The following CCDC77 variants were observed in gnomAD, a reference collection of about 807,000 sequenced individuals.
The protein encoded by CCDC77 is coiled-coil domain containing 77.
In CCDC77, 56 loss-of-function variants were observed where a neutral mutation model predicts 66.8. The ratio of observed to expected loss-of-function variants is 0.84; its 90% CI spans 0.68 to 1.05. CCDC77 has a LOEUF of 1.05. Among genes scored for constraint, CCDC77 ranks in the 50% least tolerant of loss-of-function variants. The pLI is 0.00. For synonymous variants in CCDC77, 196 were observed against 195.2 expected, an observed-to-expected ratio of 1.00 and a Z score of -0.03; for missense variants, 570 against 576.8, an observed-to-expected ratio of 0.99 and a Z score of 0.12.
rs567063414 is a variant in CCDC77 at position 427,177 on chromosome 12, G to A, written c.414-1592G>A. Among the ~76,000 whole-genome samples the A allele has an allele frequency of 2.3e-3, 343 of 152,108 alleles. 2 individuals are homozygous for A. Among genetic ancestry groups the A allele is most frequent in the Non-Finnish European group, 3.5e-3 (236 of 67,998 alleles). On this transcript the variant is annotated intron_variant, in intron 5 of 12. Transcript: ENST00000239830. ...GGAGAATTGCTTGAACCCAGGAGGC[G>A]GAGGTTGCGGTGAGCTGAGATCATG...
At chr12:432,417 C>T (rs6489509) in intron 8 of CCDC77, among the ~76,000 whole-genome samples, 47,283 of 151,896 alleles carry the variant, frequency 0.31, 8,034 homozygotes, top group East Asian at 0.57. Flanking sequence ...AGTTTCTGTC[C>T]TTACTGTGTT....
chr12:404,351 A>T (rs1288349848), intron 1 of CCDC77, among the ~76,000 whole-genome samples: 6 of 152,180 alleles, frequency 3.9e-5, no homozygotes, highest in Non-Finnish European at 5.9e-5. Context: ...AGTTGGCACT[A>T]TCTAATTAAG....
chr12:412,804 C>T (rs1945138555), intron 4 of CCDC77, among the ~76,000 whole-genome samples: 1 of 152,208 alleles, frequency 6.6e-6, no homozygotes, highest in Non-Finnish European at 1.5e-5. Flanking sequence ...TCTCCTTCCA[C>T]ATCTGTGCCA....
intron 4 of CCDC77, among the ~76,000 whole-genome samples, chr12:417,652 C>A (rs531393659): frequency 6.6e-6 from 1 of 152,080 alleles, no homozygotes; most frequent in Non-Finnish European, 1.5e-5. Flanking sequence ...TGGTGGCTCA[C>A]GCCTGTAATC....
In CCDC77 at chr12:428,278, C is replaced by T. The variant is rs527942736; in HGVS notation, c.414-491C>T. Among the ~76,000 whole-genome samples the T allele has an allele frequency of 2.0e-4, 30 of 152,002 alleles. No homozygotes were observed. The South Asian group carries it at 2.9e-3, about 15-fold the overall frequency. ...CTGTAATCCCAGCACTTTGGGAGGC[C>T]GAGGCAGGCAGATCACGAGGTCAGG... On this transcript the variant is annotated intron_variant, in intron 5 of 12. Transcript: ENST00000239830.
Position 438,559 on chromosome 12 carries a change from T to A in CCDC77, c.1041+5T>A. 6.3e-7 allele frequency: 1 copy of A among 1,586,462 alleles called. No individual in the cohort carries two copies. The highest frequency in any genetic ancestry group is 8.6e-7 in the Non-Finnish European group (1 of 1,162,378). ...GCTCAAAGTGAATATATTAAGGTAA[T>A]GTCCTTATGTCGTAACGAAGTTGTT... On this transcript the variant is annotated splice_donor_5th_base_variant and intron_variant, in intron 10 of 12. Coordinates refer to ENST00000239830, the MANE Select transcript of CCDC77 (RefSeq NM_032358.4).
At chr12:427,901 C>T (rs989136293) in intron 5 of CCDC77, among the ~76,000 whole-genome samples, 19 of 152,154 alleles carry the variant, frequency 1.2e-4, no homozygotes, top group African/African-American at 4.6e-4. Flanking sequence ...AGTGAGGGAA[C>T]TTAAACTGGG....
rs1945112434 is a variant in CCDC77, at chr12:411,607, T to C, written c.39-140T>C. 5 of 679,106 alleles carry C rather than the reference T, an allele frequency of 7.4e-6. No individual in the cohort carries two copies. The South Asian group carries it at 9.8e-5, about 13-fold the overall frequency. The allele number at this position is 679,106 out of a possible 1,614,324, so 42.1% of individuals were successfully genotyped here. ...TGCTGGGATTACAGGCATGAGCCAC[T>C]ATGCCTGTCCAAACTTCCAAATTTA... On this transcript the variant is annotated intron_variant, in intron 3 of 12. Coordinates refer to ENST00000239830, the MANE Select transcript of CCDC77 (RefSeq NM_032358.4).
rs866003513 is a variant in CCDC77 at position 403,784 on chromosome 12, G to A, written c.-70-1727G>A. 5.9e-4 allele frequency among the ~76,000 whole-genome samples: 90 copies of A among 152,282 alleles called. 1 individual carries two copies. The highest frequency in any genetic ancestry group is 2.0e-3 in the African/African-American group (82 of 41,572). ...TGGCATTACAGGCATGAGCCACTGT[G>A]CCCAGCCTATTTTAATTGTTTTTTG... On this transcript the variant is annotated intron_variant, in intron 1 of 12. Transcript: ENST00000239830.
At chr12:438,145 A>C (rs1945790296) in intron 9 of CCDC77, among the ~76,000 whole-genome samples, 190 bp from the exon 10 acceptor site, 1 of 152,230 alleles carries the variant, frequency 6.6e-6, no homozygotes, top group African/African-American at 2.4e-5. Flanking sequence ...GCATGGGTAG[A>C]TACATTATAC....
At chr12:426,342 T>C (rs184935426) in intron 5 of CCDC77, among the ~76,000 whole-genome samples, 3 of 152,304 alleles carry the variant, frequency 2.0e-5, no homozygotes, top group Admixed American at 2.0e-4. Flanking sequence ...GACTAAGTAA[T>C]TCTCTTCTAG....
rs777279948 is a variant in CCDC77, at chr12:441,928, T to C, written c.*8T>C. 2 of 1,613,744 alleles carry C rather than the reference T, an allele frequency of 1.2e-6. No individual in the cohort carries two copies. The highest frequency in any genetic ancestry group is 2.7e-5 in the African/African-American group (2 of 74,894). On this transcript the variant is annotated 3_prime_UTR_variant, in exon 13 of 13. Transcript: ENST00000239830. ...GAACTTAGACTCTGTTAATGTCTAC[T>C]TTTGGAAATGGCCCCCATTTAGAAG... is the stretch of plus-strand genomic sequence containing the variant.
intron 2 of CCDC77, among the ~76,000 whole-genome samples, chr12:407,481 G>C (rs990839190): frequency 2.0e-5 from 3 of 152,174 alleles, no homozygotes; most frequent in African/African-American, 7.2e-5. Context: ...TAGGCAGTTA[G>C]ATGTGTGAGT....
chr12:415,354 T>C (rs1274683337), intron 4 of CCDC77, among the ~76,000 whole-genome samples: 1 of 76,710 alleles, frequency 1.3e-5, no homozygotes, highest in Non-Finnish European at 2.9e-5. Context: ...ATAATCAACA[T>C]AATATTATGT....
At chr12:401,520 G>A (rs909030274), upstream of CCDC77, 3 of 152,346 alleles carry the variant, frequency 2.0e-5, no homozygotes, top group African/African-American at 4.8e-5. Flanking sequence ...GCGAGATGGG[G>A]GCGGGCCTCT....
intron 6 of CCDC77, among the ~76,000 whole-genome samples, chr12:429,277 C>T (rs1464444150): frequency 1.3e-5 from 2 of 152,094 alleles, no homozygotes; most frequent in African/African-American, 4.8e-5. Flanking sequence ...TCCTATACCC[C>T]AGAGATAATC....
At chr12:390,004 A>G (rs1292220317) in intron 1 of CCDC77, 1 of 150,488 alleles carries the variant, frequency 6.6e-6, no homozygotes. Context: ...ACCAGCCAGT[A>G]TCGTCTAGCT....
At chr12:410,220 T>C (rs924203719) in intron 3 of CCDC77, among the ~76,000 whole-genome samples, 2 of 152,046 alleles carry the variant, frequency 1.3e-5, no homozygotes, top group Non-Finnish European at 2.9e-5. Flanking sequence ...GACAACCAAA[T>C]TGGATTTATT....
At position 411,728 on chromosome 12, in the gene CCDC77, C is replaced by T; in HGVS notation, c.39-19C>T. ...CTTTCGCAGAGTGTGATGAATATAT[C>T]ATTTCTAATTTCACGTAGGCGAACA... On this transcript the variant is annotated intron_variant, in intron 3 of 12. Coordinates refer to ENST00000239830, the MANE Select transcript of CCDC77 (RefSeq NM_032358.4). 1.3e-6 allele frequency: 2 copies of T among 1,596,240 alleles called. No individual in the cohort carries two copies. Among genetic ancestry groups the T allele is most frequent in the Non-Finnish European group, 1.7e-6 (2 of 1,167,088 alleles).
Sources: gnomAD v4.1 joint callset for allele counts (sites outside exome capture counted in the v4.1 genomes callset) on GRCh38, gnomAD v4.1.1 for gene constraint, MANE v1.5 for transcripts, NCBI Gene and HGNC (gene_info 2026-07-23, HGNC 2026-07-21) for gene names.